Variants in AMZ1 observed in about 807,000 individuals in gnomAD.
AMZ1 encodes the protein archaelysin family metallopeptidase 1.
In AMZ1, 39 loss-of-function variants were observed where a neutral mutation model predicts 29.9. That is an observed-to-expected ratio of 1.30 (90% CI 1.01 to 1.70). AMZ1 has a LOEUF of 1.70. Among genes scored for constraint, AMZ1 ranks in the 40% most tolerant of loss-of-function variants. The probability of loss-of-function intolerance (pLI) is 0.00; values close to 1 mark genes in which losing one functional copy is unlikely to be tolerated. For synonymous variants in AMZ1, 458 were observed against 304.0 expected (o/e 1.51, Z -5.27); for missense variants, 1,041 against 680.6 (o/e 1.53, Z -5.89).
Position 2,712,910 on chromosome 7 carries a change from T to G in AMZ1, c.*32T>G. ...AGGGGCTGCCCTACGTCTCCTTCCCTAAGGATGCTGGCCAGCACTGTCCAG... is the reference window on the plus strand; with the variant it reads ...AGGGGCTGCCCTACGTCTCCTTCCCGAAGGATGCTGGCCAGCACTGTCCAG... On this transcript the variant is annotated 3_prime_UTR_variant, in exon 7 of 7. Coordinates refer to ENST00000683327, the MANE Select transcript of AMZ1 (RefSeq NM_001384743.1). 6.6e-7 allele frequency: 1 copy of G among 1,506,546 alleles called. No individual in the cohort carries two copies. Among genetic ancestry groups the G allele is most frequent in the South Asian group, 1.3e-5 (1 of 74,146 alleles). The allele number at this position is 1,506,546 out of a possible 1,614,324, so 93.3% of individuals were successfully genotyped here.
chr7:2,762,325 C>T (rs868614837), upstream of AMZ1: 15 of 323,686 alleles, frequency 4.6e-5, no homozygotes, highest in Middle Eastern at 7.8e-4. Context: ...CCAGGCGCTG[C>T]GCGACTGCTG....
intron 3 of AMZ1, among the ~76,000 whole-genome samples, chr7:2,705,363 T>C (rs571115888): frequency 7.0e-4 from 107 of 152,328 alleles, no homozygotes; most frequent in African/African-American, 2.4e-3. Context: ...CCCGTTTTTC[T>C]CATTAGGTCT....
At position 2,728,915 on chromosome 7, in the gene AMZ1, G is replaced by A. The variant is rs890738325; in HGVS notation, n.550+19099G>A. ...CAGGGCGGTGGGGTCAGCGCTGAGC[G>A]GGTCAAGAGCCCGCGCCGGGGGCCA... On this transcript the variant is annotated intron_variant and non_coding_transcript_variant, in intron 4 of 4. Coordinates refer to the AMZ1 transcript ENST00000489665. 4 of 152,388 alleles carry A rather than the reference G, an allele frequency of 2.6e-5. 1 individual carries two copies. Among genetic ancestry groups the A allele is most frequent in the South Asian group, 4.1e-4 (2 of 4,838 alleles). The allele number at this position is 152,388 out of a possible 1,614,324, so 9.4% of individuals were successfully genotyped here.
chr7:2,744,017 C>A (rs1410035426), intron 4 of AMZ1, among the ~76,000 whole-genome samples: 1 of 152,220 alleles, frequency 6.6e-6, no homozygotes, highest in Non-Finnish European at 1.5e-5. Context: ...AACAAAGCAG[C>A]CGGGAAGCTC....
intron 2 of AMZ1, 132 bp downstream of exon 2, chr7:2,700,887 C>T (rs1016645887): frequency 2.4e-6 from 3 of 1,267,648 alleles, no homozygotes; most frequent in African/African-American, 1.5e-5. Context: ...TATGGGATGC[C>T]AGGGTGGAGG....
rs573636981 is a variant in AMZ1, at chr7:2,736,541, T to C, written n.550+26725T>C. ...TGGTGGCAGTGAAAGAGGGGTTGTC[T>C]GTTTCAAGCAGCAGCAGCAGGTTGA... On this transcript the variant is annotated intron_variant and non_coding_transcript_variant, in intron 4 of 4. Coordinates refer to the AMZ1 transcript ENST00000489665. 2.0e-5 allele frequency among the ~76,000 whole-genome samples: 3 copies of C among 152,300 alleles called. No homozygotes were observed. The South Asian group carries it at 6.2e-4, about 32-fold the overall frequency.
rs373885832 is a variant in AMZ1 at position 2,709,254 on chromosome 7, G to A, written c.771+10G>A. ...GGTTCAGTGCTGCAAGGTGGGTGGG[G>A]GCTCTGGGGCTGGTAAGAGGGGACA... On this transcript the variant is annotated intron_variant, in intron 5 of 6. Coordinates refer to ENST00000683327, the MANE Select transcript of AMZ1 (RefSeq NM_001384743.1). The A allele has an allele frequency of 1.3e-5, 20 of 1,488,476 alleles. 1 individual carries two copies. The highest frequency in any genetic ancestry group is 2.5e-5 in the Admixed American group (1 of 40,040). 92.2% of individuals were successfully genotyped at this position (1,488,476 alleles called of 1,614,324 possible).
intron 1 of AMZ1, among the ~76,000 whole-genome samples, chr7:2,699,562 A>T (rs1019655782): frequency 6.7e-6 from 1 of 149,802 alleles, no homozygotes; most frequent in African/African-American, 2.4e-5. Flanking sequence ...TGCTGGGCGC[A>T]CAGGGACCTG....
At chr7:2,727,856 G>A (rs1231061769) in intron 4 of AMZ1, among the ~76,000 whole-genome samples, 1 of 151,776 alleles carries the variant, frequency 6.6e-6, no homozygotes, top group African/African-American at 2.4e-5. Context: ...AGGAGATAGA[G>A]ACCACCCTGG....
Position 2,731,675 on chromosome 7 carries a change from T to C in AMZ1, n.550+21859T>C, listed in dbSNP as rs1789904833. On this transcript the variant is annotated intron_variant and non_coding_transcript_variant, in intron 4 of 4. Coordinates refer to the AMZ1 transcript ENST00000489665. This position sits in a 1 kb window ranked among gnomAD's most constrained non-coding sequence, Gnocchi z 6.0. ...ACCATCTTAAAGGGGATCTTCTTAA[T>C]AACGAAGTCATGCTCCACAATTCCC... 7.5e-6 allele frequency: 12 copies of C among 1,609,282 alleles called. No homozygotes were observed. The highest frequency in any genetic ancestry group is 9.3e-6 in the Non-Finnish European group (11 of 1,177,726).
chr7:2,689,613 G>T (rs996063677), intron 1 of AMZ1, among the ~76,000 whole-genome samples: 1 of 152,180 alleles, frequency 6.6e-6, no homozygotes, highest in Non-Finnish European at 1.5e-5. Flanking sequence ...CAGCTGTGTC[G>T]CCAGGGCCAA....
At position 2,717,206 on chromosome 7, in the gene AMZ1, G is replaced by A. The variant is rs1789178846; in HGVS notation, c.*4328G>A. ...CAACGAAAACACCCCCGTGATTGCTGGGGCTTCACTGATTTGTTTTGTTTA... is the reference window on the plus strand; with the variant it reads ...CAACGAAAACACCCCCGTGATTGCTAGGGCTTCACTGATTTGTTTTGTTTA... On this transcript the variant is annotated 3_prime_UTR_variant, in exon 7 of 7. Coordinates refer to ENST00000683327, the MANE Select transcript of AMZ1 (RefSeq NM_001384743.1). Among the ~76,000 whole-genome samples, 2 of 152,244 alleles carry A rather than the reference G, an allele frequency of 1.3e-5. No homozygotes were observed. The highest frequency in any genetic ancestry group is 1.3e-4 in the Admixed American group (2 of 15,288).
At chr7:2,706,439 A>G (rs551404169) in intron 3 of AMZ1, among the ~76,000 whole-genome samples, 2 of 152,330 alleles carry the variant, frequency 1.3e-5, no homozygotes, top group African/African-American at 4.8e-5. Context: ...AAGTACCACA[A>G]ACTGAGTGGC....
At chr7:2,755,355 C>T (rs1022501662) in intron 4 of AMZ1, among the ~76,000 whole-genome samples, 5 of 152,258 alleles carry the variant, frequency 3.3e-5, no homozygotes, top group African/African-American at 1.2e-4. Context: ...GGAGAACAGA[C>T]ATCTTGACAG....
upstream of AMZ1, chr7:2,762,228 G>A (rs1229466889): frequency 1.1e-5 from 2 of 185,682 alleles, no homozygotes; most frequent in African/African-American, 4.7e-5. Context: ...AGGGCTTCGT[G>A]TTCTGCACTG....
At chr7:2,695,511 G>A (rs561718361) in intron 1 of AMZ1, among the ~76,000 whole-genome samples, 2 of 152,022 alleles carry the variant, frequency 1.3e-5, no homozygotes, top group Admixed American at 6.6e-5. Flanking sequence ...GAGCCTCGGA[G>A]TTCAAGACCA....
chr7:2,752,243 C>A (rs955844052), intron 4 of AMZ1, among the ~76,000 whole-genome samples: 7 of 151,882 alleles, frequency 4.6e-5, no homozygotes, highest in Admixed American at 3.9e-4. Flanking sequence ...ATGCTCAGGG[C>A]TTAAAAAAAA....
intron 4 of AMZ1, among the ~76,000 whole-genome samples, chr7:2,725,348 C>T (rs536749242): frequency 1.4e-4 from 22 of 152,314 alleles, no homozygotes; most frequent in African/African-American, 5.3e-4. Flanking sequence ...GACACAGCTG[C>T]GCGAGGGGAA....
chr7:2,694,254 T>C (rs1383137785), intron 1 of AMZ1, among the ~76,000 whole-genome samples: 1 of 152,182 alleles, frequency 6.6e-6, no homozygotes, highest in Non-Finnish European at 1.5e-5. Flanking sequence ...TCACCCCTCA[T>C]TTCCTGCCTC....
Sources: allele counts gnomAD v4.1 joint callset (sites outside exome capture counted in the v4.1 genomes callset), GRCh38; gene constraint gnomAD v4.1.1; non-coding constraint Gnocchi (gnomAD v3.1); transcripts MANE v1.5; gene names NCBI Gene and HGNC (gene_info 2026-07-23, HGNC 2026-07-21).